Variants in MRPS24 observed in about 807,000 individuals in gnomAD.
MRPS24 encodes the protein small ribosomal subunit protein uS3m.
Under a neutral mutation model 21.8 loss-of-function variants are expected in MRPS24, and 15 were observed. That is an observed-to-expected ratio of 0.69 (90% confidence interval 0.46 to 1.06). The LOEUF is 1.06. Ranked by LOEUF, MRPS24 falls within the 50% of genes least tolerant of loss-of-function variation. The pLI, the probability that MRPS24 is intolerant of heterozygous loss-of-function variation, is 0.00. For missense variants in MRPS24, 224 were observed against 219.1 expected (o/e 1.02, Z -0.14); for synonymous variants, 93 against 93.7 (o/e 0.99, Z 0.04).
chr7:43,869,295 C>A lies in MRPS24; in HGVS notation c.108+13G>T, dbSNP rs868632598. Reference sequence around the variant, plus strand: ...CCCCCAGGCCCCCAGGCCCCTGCCCCGGCGGTGCTCACCTTGGCGCAGACC... The same window carrying A: ...CCCCCAGGCCCCCAGGCCCCTGCCCAGGCGGTGCTCACCTTGGCGCAGACC... On this transcript the variant is annotated intron_variant, in intron 2 of 3. Transcript: ENST00000317534. The surrounding 1 kb of genome is among the most constrained non-coding windows in gnomAD (Gnocchi z 4.8). The A allele has an allele frequency of 6.5e-7, 1 of 1,536,572 alleles. No individual in the cohort carries two copies. The highest frequency in any genetic ancestry group is 8.7e-7 in the Non-Finnish European group (1 of 1,144,604).
chr7:43,868,935 T>C (rs1290498752), intron 3 of MRPS24, 28 bp downstream of exon 3: 2 of 1,608,294 alleles, frequency 1.2e-6, no homozygotes, highest in Admixed American at 3.4e-5. Flanking sequence ...GATTGAGTGC[T>C]CCTTTTGGAG....
Position 43,866,681 on chromosome 7 carries a change from G to A in MRPS24, c.*18C>T, listed in dbSNP as rs1391005045. 7.5e-6 allele frequency: 12 copies of A among 1,610,152 alleles called. No individual in the cohort carries two copies. The Admixed American group carries it at 1.5e-4, about 20-fold the overall frequency. On this transcript the variant is annotated 3_prime_UTR_variant, in exon 4 of 4. Coordinates refer to ENST00000317534, the MANE Select transcript of MRPS24 (RefSeq NM_032014.3). ...CATTCTCTGCAGGCTACAGCTTGAT[G>A]GAAAAAAGGGGATTGTTCTAGAGGT...
At position 43,869,206 on chromosome 7, in the gene MRPS24, G is replaced by T; in HGVS notation, c.108+102C>A. ...ATCCCTAAGCCCCGACCCTAGCCCC[G>T]CCTCGGACCCCAGCGACACGCCCCC... is the stretch of plus-strand genomic sequence containing the variant. On this transcript the variant is annotated intron_variant, in intron 2 of 3. Coordinates refer to ENST00000317534, the MANE Select transcript of MRPS24 (RefSeq NM_032014.3). This position sits in a 1 kb window ranked among gnomAD's most constrained non-coding sequence, Gnocchi z 4.8. 6.9e-7 allele frequency: 1 copy of T among 1,441,802 alleles called. No homozygotes were observed. The highest frequency in any genetic ancestry group is 9.1e-7 in the Non-Finnish European group (1 of 1,099,504). 89.3% of individuals were successfully genotyped at this position (1,441,802 alleles called of 1,614,324 possible).
In MRPS24 at chr7:43,869,273, C is replaced by G; in HGVS notation, c.108+35G>C. The G allele has an allele frequency of 6.6e-7, 1 of 1,511,012 alleles. No homozygotes were observed. 93.6% of individuals were successfully genotyped at this position (1,511,012 alleles called of 1,614,324 possible). A position where few individuals can be genotyped will look rare whatever the true frequency, so the allele number is the denominator to read the frequency against. Reference sequence around the variant, plus strand: ...TCCCCGGCCCCCGGCCCCCCGGCCCCCAGGCCCCCAGGCCCCTGCCCCGGC... The same window carrying G: ...TCCCCGGCCCCCGGCCCCCCGGCCCGCAGGCCCCCAGGCCCCTGCCCCGGC... On this transcript the variant is annotated intron_variant, in intron 2 of 3. Coordinates refer to ENST00000317534, the MANE Select transcript of MRPS24 (RefSeq NM_032014.3). The surrounding 1 kb of genome is among the most constrained non-coding windows in gnomAD (Gnocchi z 4.8).
intron 3 of MRPS24, chr7:43,868,207 C>T (rs1372658026): frequency 6.6e-6 from 1 of 152,112 alleles, no homozygotes. Context: ...CAGCCTTCTC[C>T]CGCTTAGGAA....
At chr7:43,867,008 G>C in intron 3 of MRPS24, 26 bp from the exon 4 acceptor site, 1 of 1,608,226 alleles carries the variant, frequency 6.2e-7, no homozygotes, top group South Asian at 1.1e-5. Context: ...CATAATAGAA[G>C]AATCAGCCTC....
rs2095836514 is a variant in MRPS24 at position 43,866,630 on chromosome 7, C to G, written c.*69G>C. On this transcript the variant is annotated 3_prime_UTR_variant, in exon 4 of 4. Transcript: ENST00000317534. ...GTCCTCTGAGGGGATGCATTTCCCC[C>G]ACATACCATTCCTTTCCCACGTTTC... is the stretch of plus-strand genomic sequence containing the variant. 1 of 1,549,048 alleles carries G rather than the reference C, an allele frequency of 6.5e-7. No homozygotes were observed.
In MRPS24 at chr7:43,869,212, G is replaced by A. The variant is rs1022027691; in HGVS notation, c.108+96C>T. 14 of 1,469,940 alleles carry A rather than the reference G, an allele frequency of 9.5e-6. No individual in the cohort carries two copies. Among genetic ancestry groups the A allele is most frequent in the African/African-American group, 1.4e-5 (1 of 71,006 alleles). The allele number at this position is 1,469,940 out of a possible 1,614,324, so 91.1% of individuals were successfully genotyped here. ...AAGCCCCGACCCTAGCCCCGCCTCGGACCCCAGCGACACGCCCCCTTCAGC... is the reference window on the plus strand; with the variant it reads ...AAGCCCCGACCCTAGCCCCGCCTCGAACCCCAGCGACACGCCCCCTTCAGC... On this transcript the variant is annotated intron_variant, in intron 2 of 3. Transcript: ENST00000317534. The surrounding 1 kb of genome is among the most constrained non-coding windows in gnomAD (Gnocchi z 4.8).
rs2095838590 is a variant in MRPS24 at position 43,868,997 on chromosome 7, G to C, written c.186C>G (p.Ile62Met). 1 of 1,614,028 alleles carries C rather than the reference G, an allele frequency of 6.2e-7. No homozygotes were observed. Among genetic ancestry groups the C allele is most frequent in the African/African-American group, 1.3e-5 (1 of 75,042 alleles). The change falls in exon 3 of 4, where the codon ATC (isoleucine) becomes ATG (methionine). Residue 62 changes from isoleucine to methionine, a missense_variant. By Grantham distance (10) the Ile-to-Met change is conservative. Coordinates refer to ENST00000317534, the MANE Select transcript of MRPS24 (RefSeq NM_032014.3). Reference protein sequence around the residue: ...TYEEAHAPHYIAHRKGWLSLH... With the variant: ...TYEEAHAPHYMAHRKGWLSLH... The stretch of plus-strand genomic sequence containing the variant: ...GCGACAGCCAGCCTTTACGGTGGGC[G>C]ATGTAGTGCGGCGCGTGTGCCTCCT...
In MRPS24 at chr7:43,866,682, G is replaced by C. The variant is rs2095836580; in HGVS notation, c.*17C>G. On this transcript the variant is annotated 3_prime_UTR_variant, in exon 4 of 4. Transcript: ENST00000317534. ...ATTCTCTGCAGGCTACAGCTTGATG[G>C]AAAAAAGGGGATTGTTCTAGAGGTA... 6.2e-7 allele frequency: 1 copy of C among 1,610,536 alleles called. No homozygotes were observed. The highest frequency in any genetic ancestry group is 1.3e-5 in the African/African-American group (1 of 74,858).
rs200556638 is a variant in MRPS24 at position 43,869,376 on chromosome 7, C to G, written c.40G>C (p.Val14Leu). 43 of 1,549,836 alleles carry G rather than the reference C, an allele frequency of 2.8e-5. No individual in the cohort carries two copies. Among genetic ancestry groups the G allele is most frequent in the Non-Finnish European group, 3.3e-5 (38 of 1,146,792 alleles). ...GGCAGCTCTCGGCTCCAGGACAGCA[C>G]CTGTGGAGGGAGGGCGCGTGAGGCG... Reference protein sequence around the residue: ...SVCSGLLGPRVLSWSRELPCA... With the variant: ...SVCSGLLGPRLLSWSRELPCA... Residue 14 changes from valine to leucine, a missense_variant and splice_region_variant, in exon 2 of 4, where the codon GTG becomes CTG. Transcript: ENST00000317534. This position sits in a 1 kb window ranked among gnomAD's most constrained non-coding sequence, Gnocchi z 4.8.
intron 3 of MRPS24, chr7:43,868,079 T>TA (rs1486455428): frequency 6.6e-6 from 1 of 152,202 alleles, no homozygotes; most frequent in Non-Finnish European, 1.5e-5. Context: ...TGTTTCTGTT[T>TA]AAAGACACCT....
At position 43,866,861 on chromosome 7, in the gene MRPS24, ACC is replaced by A; in HGVS notation, c.340_341del (p.Gly114Ter). 1 of 1,614,188 alleles carries A rather than the reference ACC, an allele frequency of 6.2e-7. No homozygotes were observed. Among genetic ancestry groups the A allele is most frequent in the Non-Finnish European group, 8.5e-7 (1 of 1,180,028 alleles). ...CCACGGCACAGATCTCCAACTGGTTACCCCGGCGCTTTAAAACCAGCTGGTCA... is the reference window on the plus strand; with the variant it reads ...CCACGGCACAGATCTCCAACTGGTTACCGGCGCTTTAAAACCAGCTGGTCA... ...LADQLVLKRR[G>X]NQLEICAVVL... is the part of the protein sequence containing the mutation. On this transcript the variant is annotated frameshift_variant, in exon 4 of 4. Coordinates refer to ENST00000317534, the MANE Select transcript of MRPS24 (RefSeq NM_032014.3). LOFTEE classifies it high-confidence loss of function.
chr7:43,869,260 G>GGCCCCCCC lies in MRPS24; in HGVS notation c.108+47_108+48insGGGGGGGC. ...AGCCCGCACGGCTTCCCCGGCCCCC[G>GGCCCCCCC]GCCCCCCGGCCCCCAGGCCCCCAGG... On this transcript the variant is annotated intron_variant, in intron 2 of 3. Transcript: ENST00000317534. This position sits in a 1 kb window ranked among gnomAD's most constrained non-coding sequence, Gnocchi z 4.8. 1 of 782,850 alleles carries GGCCCCCCC rather than the reference G, an allele frequency of 1.3e-6. No individual in the cohort carries two copies. Among genetic ancestry groups the GGCCCCCCC allele is most frequent in the Non-Finnish European group, 1.8e-6 (1 of 556,824 alleles). 48.5% of individuals were successfully genotyped at this position (782,850 alleles called of 1,614,324 possible).
chr7:43,866,562 A>G lies in MRPS24; in HGVS notation c.*137T>C. 1 of 983,578 alleles carries G rather than the reference A, an allele frequency of 1.0e-6. No homozygotes were observed. The highest frequency in any genetic ancestry group is 2.6e-5 in the Admixed American group (1 of 37,790). 60.9% of individuals were successfully genotyped at this position (983,578 alleles called of 1,614,324 possible). ...AGTAAAAACAGAGAGGCAAGACAAG[A>G]TAGAAGGTCTTTATTCAATAGCAGA... is the stretch of plus-strand genomic sequence containing the variant. On this transcript the variant is annotated 3_prime_UTR_variant, in exon 4 of 4. Coordinates refer to ENST00000317534, the MANE Select transcript of MRPS24 (RefSeq NM_032014.3).
At position 43,868,947 on chromosome 7, in the gene MRPS24, C is replaced by T. The variant is rs548850751; in HGVS notation, c.220+16G>A. The T allele has an allele frequency of 1.2e-4, 191 of 1,612,520 alleles. 5 individuals carry two copies. In the South Asian group the frequency reaches 2.1e-3, roughly 17 times the overall value. On this transcript the variant is annotated intron_variant, in intron 3 of 3. Coordinates refer to ENST00000317534, the MANE Select transcript of MRPS24 (RefSeq NM_032014.3). ...TCGGATTGAGTGCTCCTTTTGGAGG[C>T]CTGGGGTCCGCTCACCTGTGTGCAG... is the stretch of plus-strand genomic sequence containing the variant.
chr7:43,869,207 C>G lies in MRPS24; in HGVS notation c.108+101G>C. On this transcript the variant is annotated intron_variant, in intron 2 of 3. Coordinates refer to ENST00000317534, the MANE Select transcript of MRPS24 (RefSeq NM_032014.3). This position sits in a 1 kb window ranked among gnomAD's most constrained non-coding sequence, Gnocchi z 4.8. ...TCCCTAAGCCCCGACCCTAGCCCCG[C>G]CTCGGACCCCAGCGACACGCCCCCT... 1 of 1,469,984 alleles carries G rather than the reference C, an allele frequency of 6.8e-7. No homozygotes were observed. Among genetic ancestry groups the G allele is most frequent in the Non-Finnish European group, 9.0e-7 (1 of 1,115,712 alleles). The allele number at this position is 1,469,984 out of a possible 1,614,324, so 91.1% of individuals were successfully genotyped here.
rs368968590 is a variant in MRPS24, at chr7:43,869,491, G to A, written c.5C>T (p.Ala2Val). The A allele has an allele frequency of 2.2e-5, 34 of 1,566,710 alleles. No homozygotes were observed. The highest frequency in any genetic ancestry group is 2.0e-4 in the South Asian group (17 of 85,440). ...CAGCAACCCGCTGCACACGGAGGCCGCCATCTTGGGCCAAGCGGAGCGCGG... is the reference window on the plus strand; with the variant it reads ...CAGCAACCCGCTGCACACGGAGGCCACCATCTTGGGCCAAGCGGAGCGCGG... The part of the protein sequence containing the change: M[A>V]ASVCSGLLGP... The change falls in exon 1 of 4, where the codon GCG becomes GTG. Residue 2 changes from alanine to valine, a missense_variant. Coordinates refer to ENST00000317534, the MANE Select transcript of MRPS24 (RefSeq NM_032014.3). This position sits in a 1 kb window ranked among gnomAD's most constrained non-coding sequence, Gnocchi z 4.8.
In MRPS24 at chr7:43,868,975, A is replaced by C. The variant is rs1585775505; in HGVS notation, c.208T>G (p.Ser70Ala). ...GGGGTCCGCTCACCTGTGTGCAGCG[A>C]CAGCCAGCCTTTACGGTGGGCGATG... ...HYIAHRKGWL[S>A]LHTGNLDGED... is the part of the protein sequence containing the mutation. Residue 70 changes from serine to alanine, a missense_variant, in exon 3 of 4, where the codon TCG becomes GCG. Physicochemically the swap from Ser to Ala is moderately conservative, Grantham distance 99 (BLOSUM62 1). Transcript: ENST00000317534. 1 of 1,613,950 alleles carries C rather than the reference A, an allele frequency of 6.2e-7. No individual in the cohort carries two copies. Among genetic ancestry groups the C allele is most frequent in the Non-Finnish European group, 8.5e-7 (1 of 1,179,968 alleles).
Sources: allele counts gnomAD v4.1 joint callset, GRCh38; gene constraint gnomAD v4.1.1; non-coding constraint Gnocchi (gnomAD v3.1); transcripts MANE v1.5; gene names NCBI Gene and HGNC (gene_info 2026-07-23, HGNC 2026-07-21).